CREB5: variants seen among roughly 807,000 people sequenced by gnomAD.
CREB5 encodes cyclic AMP-responsive element-binding protein 5.
CREB5 carries 19 observed loss-of-function variants against 57.1 expected under a neutral mutation model. That is an observed-to-expected ratio of 0.33 (90% CI 0.23 to 0.49). CREB5 has a LOEUF of 0.49. Ranked by LOEUF, CREB5 falls within the 20% of genes least tolerant of loss-of-function variation. CREB5 has a pLI of 0.99. For missense variants in CREB5, 579 were observed against 671.6 expected, an observed-to-expected ratio of 0.86 and a Z score of 1.52; for synonymous variants, 238 against 238.3, an observed-to-expected ratio of 1.00 and a Z score of 0.01.
At chr7:28,531,608 C>A (rs1233394180) in intron 4 of CREB5, among the ~76,000 whole-genome samples, 1 of 152,154 alleles carries the variant, frequency 6.6e-6, no homozygotes, top group Non-Finnish European at 1.5e-5. Context: ...ATTAGAACAT[C>A]AATATATGAA....
intron 1 of CREB5, among the ~76,000 whole-genome samples, chr7:28,360,436 A>G (rs1405795148): frequency 2.6e-5 from 4 of 152,220 alleles, no homozygotes; most frequent in Non-Finnish European, 5.9e-5. Flanking sequence ...CCTGGAGGAC[A>G]TTATGGTAAG....
At chr7:28,566,481 C>T (rs1018872061) in intron 4 of CREB5, among the ~76,000 whole-genome samples, 1 of 152,216 alleles carries the variant, frequency 6.6e-6, no homozygotes, top group African/African-American at 2.4e-5. Flanking sequence ...ACATCTACCC[C>T]TCTGTACTAT....
intron 1 of CREB5, among the ~76,000 whole-genome samples, chr7:28,327,498 G>A (rs1325738169): frequency 6.6e-6 from 1 of 152,166 alleles, no homozygotes; most frequent in Non-Finnish European, 1.5e-5. Context: ...ATGATTATTT[G>A]AATTAAAATT....
intron 1 of CREB5, among the ~76,000 whole-genome samples, chr7:28,312,606 C>CT (rs1048980363): frequency 1.4e-4 from 21 of 152,082 alleles, no homozygotes; most frequent in African/African-American, 5.1e-4. Context: ...CATTTTGAGG[C>CT]TTTTTCATCT....
At chr7:28,763,170 TC>T (rs1253853313) in intron 7 of CREB5, among the ~76,000 whole-genome samples, 7 of 151,044 alleles carry the variant, frequency 4.6e-5, no homozygotes, top group African/African-American at 9.7e-5. Context: ...GATTTTCTAT[TC>T]CACTCTTTCT....
At chr7:28,715,164 T>G (rs1028494455) in intron 5 of CREB5, among the ~76,000 whole-genome samples, 2 of 152,178 alleles carry the variant, frequency 1.3e-5, no homozygotes, top group Non-Finnish European at 2.9e-5. Context: ...ACTGTGAATA[T>G]CAAAAGAAAT....
chr7:28,809,502 C>G (rs1808974004), intron 9 of CREB5, 88 bp downstream of exon 9: 1 of 1,195,828 alleles, frequency 8.4e-7, no homozygotes, highest in Non-Finnish European at 1.2e-6. Context: ...TTGACCTAAG[C>G]AGTGATACCA....
chr7:28,592,074 C>T (rs79648443), intron 5 of CREB5, among the ~76,000 whole-genome samples: 1 of 152,180 alleles, frequency 6.6e-6, no homozygotes, highest in Admixed American at 6.5e-5. Context: ...CAGGCCATCA[C>T]AGAGCAGATA....
chr7:28,522,300 C>T (rs570807091), intron 4 of CREB5, among the ~76,000 whole-genome samples: 9 of 151,772 alleles, frequency 5.9e-5, no homozygotes, highest in African/African-American at 1.9e-4. Context: ...AAAAAATGTC[C>T]GGTGGAAGCT....
At chr7:28,536,252 A>G (rs1793963147) in intron 4 of CREB5, among the ~76,000 whole-genome samples, 1 of 152,214 alleles carries the variant, frequency 6.6e-6, no homozygotes, top group Non-Finnish European at 1.5e-5. Flanking sequence ...TCAAAAGAAC[A>G]GTGGGAAAAG....
chr7:28,376,850 C>A (rs1248845216), intron 1 of CREB5, among the ~76,000 whole-genome samples: 1 of 152,166 alleles, frequency 6.6e-6, no homozygotes, highest in African/African-American at 2.4e-5. Flanking sequence ...CTGAGACCTG[C>A]CATGTATTTA....
intron 4 of CREB5, among the ~76,000 whole-genome samples, chr7:28,560,866 C>CGCGTG (rs1562797336): frequency 2.0e-5 from 1 of 50,264 alleles, no homozygotes; most frequent in Non-Finnish European, 4.3e-5. Flanking sequence ...GTGCGTGTGC[C>CGCGTG]TGCGTGCGCG....
At chr7:28,729,885 A>G (rs986758589) in intron 7 of CREB5, among the ~76,000 whole-genome samples, 7 of 152,216 alleles carry the variant, frequency 4.6e-5, no homozygotes, top group Admixed American at 2.6e-4. Flanking sequence ...CTGAAGTAAG[A>G]TGACCACGTT....
At chr7:28,340,263 C>T (rs982447963) in intron 1 of CREB5, among the ~76,000 whole-genome samples, 4 of 152,216 alleles carry the variant, frequency 2.6e-5, no homozygotes, top group African/African-American at 9.6e-5. Context: ...CTAAAGCCAG[C>T]ATGGCTCTGA....
At chr7:28,381,670 A>G (rs1489055673) in intron 1 of CREB5, among the ~76,000 whole-genome samples, 2 of 152,224 alleles carry the variant, frequency 1.3e-5, no homozygotes, top group Non-Finnish European at 2.9e-5. Context: ...AATGAGCTAT[A>G]TGGGTTTGCT....
chr7:28,657,717 G>GAAAAAAAAAA (rs59307921), intron 5 of CREB5, among the ~76,000 whole-genome samples: 1 of 54,026 alleles, frequency 1.9e-5, no homozygotes, highest in African/African-American at 6.8e-5. Context: ...ACTCTCTCTC[G>GAAAAAAAAAA]AAAAAAAAAA....
intron 2 of CREB5, among the ~76,000 whole-genome samples, chr7:28,489,144 G>A (rs1791691672): frequency 6.6e-6 from 1 of 152,044 alleles, no homozygotes; most frequent in Non-Finnish European, 1.5e-5. Context: ...GACAAGTTTG[G>A]AACCCAGAGC....
upstream of CREB5, among the ~76,000 whole-genome samples, chr7:28,411,204 G>A (rs117365229): frequency 5.3e-3 from 803 of 152,294 alleles, 4 homozygotes; most frequent in Middle Eastern, 0.01. Context: ...TGTCCTCGTG[G>A]TGGTGACTTA....
chr7:28,477,850 C>G lies in CREB5; in HGVS notation c.4-10325C>G, dbSNP rs55921053. Among the ~76,000 whole-genome samples the G allele has an allele frequency of 8.5e-3, 1,296 of 152,304 alleles. 5 individuals carry two copies. The highest frequency in any genetic ancestry group is 0.013 in the Non-Finnish European group (909 of 68,016). ...AGCTTATTAGCTGGGCATGGTGGCTCACACCTATAATCCCAGCACTTTGGG... is the reference window on the plus strand; with the variant it reads ...AGCTTATTAGCTGGGCATGGTGGCTGACACCTATAATCCCAGCACTTTGGG... On this transcript the variant is annotated intron_variant, in intron 1 of 10. Coordinates refer to ENST00000357727, the MANE Select transcript of CREB5 (RefSeq NM_182898.4).
Sources: gnomAD v4.1 joint callset for allele counts (sites outside exome capture counted in the v4.1 genomes callset) on GRCh38, gnomAD v4.1.1 for gene constraint, MANE v1.5 for transcripts, NCBI Gene and HGNC (gene_info 2026-07-23, HGNC 2026-07-21) for gene names.